Variants in CRACDL observed in about 807,000 individuals in gnomAD.
CRACDL encodes CRACD like, also known as CRACD-like protein.
In CRACDL, 26 loss-of-function variants were observed where a neutral mutation model predicts 70.6. That is an observed-to-expected ratio of 0.37 (90% CI 0.27 to 0.51). CRACDL has a LOEUF of 0.51. Ranked by LOEUF, CRACDL falls within the 20% of genes least tolerant of loss-of-function variation. The pLI, the probability that CRACDL is intolerant of heterozygous loss-of-function variation, is 0.94. For synonymous variants in CRACDL, 618 were observed against 615.2 expected (o/e 1.00, Z -0.07); for missense variants, 1,283 against 1,376.9 (o/e 0.93, Z 1.08).
At chr2:98,916,647 T>A (rs1042703539) in intron 1 of CRACDL, among the ~76,000 whole-genome samples, 4 of 152,250 alleles carry the variant, frequency 2.6e-5, no homozygotes, top group South Asian at 2.1e-4. Context: ...TCATTTTTTT[T>A]AATGTAGGAT....
intron 1 of CRACDL, among the ~76,000 whole-genome samples, chr2:98,933,152 CGCTG>C (rs1410147203): frequency 6.6e-6 from 1 of 152,172 alleles, no homozygotes; most frequent in African/African-American, 2.4e-5. Flanking sequence ...GCCAGGTCCC[CGCTG>C]TGGCTCACCC....
intron 6 of CRACDL, among the ~76,000 whole-genome samples, chr2:98,824,302 A>G (rs1575352584): frequency 2.4e-5 from 1 of 41,640 alleles, no homozygotes; most frequent in African/African-American, 9.2e-5. Context: ...CCTGCCCCCA[A>G]CCTCCAAGAT....
At chr2:98,794,697 C>T (rs754637007) in intron 9 of CRACDL, 26 bp from the exon 10 acceptor site, 13 of 1,595,986 alleles carry the variant, frequency 8.1e-6, no homozygotes, top group Admixed American at 6.8e-5. Flanking sequence ...ACAAAACCAA[C>T]AGAAACATGA....
At position 98,794,498 on chromosome 2, in the gene CRACDL, G is replaced by T. The variant is rs1324902298; in HGVS notation, c.*34C>A. 1.3e-6 allele frequency: 2 copies of T among 1,598,262 alleles called. No individual in the cohort carries two copies. The highest frequency in any genetic ancestry group is 2.2e-5 in the East Asian group (1 of 44,674). On this transcript the variant is annotated 3_prime_UTR_variant, in exon 10 of 10. Transcript: ENST00000397899. Reference sequence around the variant, plus strand: ...AGTTTTTAACTAAGTGGCTTGTCAGGGTAGTGGACATGCTTTATCAGCACA... The same window carrying T: ...AGTTTTTAACTAAGTGGCTTGTCAGTGTAGTGGACATGCTTTATCAGCACA...
chr2:98,850,646 C>A (rs1460947112), intron 1 of CRACDL, among the ~76,000 whole-genome samples: 2 of 152,182 alleles, frequency 1.3e-5, no homozygotes, highest in African/African-American at 4.8e-5. Context: ...ACTCTTTAAG[C>A]TAAATCTGGA....
In CRACDL at chr2:98,794,487, T is replaced by G. The variant is rs1272309176; in HGVS notation, c.*45A>C. 1 of 1,568,090 alleles carries G rather than the reference T, an allele frequency of 6.4e-7. No homozygotes were observed. The highest frequency in any genetic ancestry group is 1.3e-5 in the African/African-American group (1 of 74,074). On this transcript the variant is annotated 3_prime_UTR_variant, in exon 10 of 10. Transcript: ENST00000397899. ...AATACACTGGCAGTTTTTAACTAAG[T>G]GGCTTGTCAGGGTAGTGGACATGCT... is the stretch of plus-strand genomic sequence containing the variant.
At chr2:98,913,940 C>T (rs1239198931) in intron 1 of CRACDL, among the ~76,000 whole-genome samples, 6 of 152,352 alleles carry the variant, frequency 3.9e-5, no homozygotes, top group East Asian at 3.9e-4. Flanking sequence ...CCATGGTTTA[C>T]GCTTTATGCG....
At chr2:98,881,413 C>T (rs1241781661) in intron 1 of CRACDL, among the ~76,000 whole-genome samples, 2 of 152,234 alleles carry the variant, frequency 1.3e-5, no homozygotes, top group Non-Finnish European at 2.9e-5. Context: ...GAAGCACTGC[C>T]TTACAGCTCT....
At chr2:98,898,946 CA>C (rs1708197854) in intron 1 of CRACDL, among the ~76,000 whole-genome samples, 1 of 152,198 alleles carries the variant, frequency 6.6e-6, no homozygotes, top group Non-Finnish European at 1.5e-5. Flanking sequence ...GAAATCCAGA[CA>C]GGGGTCACAA....
At chr2:98,801,568 C>T (rs935320084) in intron 7 of CRACDL, among the ~76,000 whole-genome samples, 1 of 152,154 alleles carries the variant, frequency 6.6e-6, no homozygotes, top group Non-Finnish European at 1.5e-5. Flanking sequence ...TGTGAAGATT[C>T]CATGACATAA....
chr2:98,920,152 C>T (rs372600699), intron 1 of CRACDL, among the ~76,000 whole-genome samples: 3 of 152,210 alleles, frequency 2.0e-5, no homozygotes, highest in Non-Finnish European at 4.4e-5. Context: ...TGGAAACAAC[C>T]GAAATATGTA....
intron 1 of CRACDL, among the ~76,000 whole-genome samples, chr2:98,848,415 G>A (rs1469020403): frequency 1.3e-5 from 2 of 152,152 alleles, no homozygotes. Context: ...AACATACGGT[G>A]TAAGGGGAAG....
chr2:98,794,397 C>G lies in CRACDL; in HGVS notation c.*135G>C, dbSNP rs1703713261. The stretch of plus-strand genomic sequence containing the variant: ...TCTTTGTTTTGCCTGGTTCCTTCCT[C>G]TTCCCCAAGTTCGTCATAACTTGAT... On this transcript the variant is annotated 3_prime_UTR_variant, in exon 10 of 10. Transcript: ENST00000397899. 1 of 810,898 alleles carries G rather than the reference C, an allele frequency of 1.2e-6. No homozygotes were observed. Among genetic ancestry groups the G allele is most frequent in the Admixed American group, 2.3e-5 (1 of 43,722 alleles). The allele number at this position is 810,898 out of a possible 1,614,324, so 50.2% of individuals were successfully genotyped here. A position where few individuals can be genotyped will look rare whatever the true frequency, so the allele number is the denominator to read the frequency against.
intron 1 of CRACDL, among the ~76,000 whole-genome samples, chr2:98,907,931 A>G (rs1283930670): frequency 6.6e-6 from 1 of 152,244 alleles, no homozygotes; most frequent in Non-Finnish European, 1.5e-5. Context: ...TATTTCTTGA[A>G]GCAGAAAACC....
chr2:98,850,717 G>A (rs1472770144), intron 1 of CRACDL, among the ~76,000 whole-genome samples: 1 of 152,218 alleles, frequency 6.6e-6, no homozygotes. Flanking sequence ...TCCAGGCCCT[G>A]CTGCGGGGCA....
chr2:98,907,692 C>A (rs929269944), intron 1 of CRACDL, among the ~76,000 whole-genome samples: 1 of 152,212 alleles, frequency 6.6e-6, no homozygotes, highest in Non-Finnish European at 1.5e-5. Context: ...CCAGTTGGAC[C>A]AAAGACCTGC....
intron 1 of CRACDL, among the ~76,000 whole-genome samples, chr2:98,929,957 C>T (rs1207705734): frequency 6.6e-6 from 1 of 152,032 alleles, no homozygotes; most frequent in Non-Finnish European, 1.5e-5. Context: ...AAAAGGTGCT[C>T]GATACCACGA....
intron 1 of CRACDL, among the ~76,000 whole-genome samples, chr2:98,931,324 CAA>C (rs530900049): frequency 0.39 from 36,806 of 95,324 alleles, 5,606 homozygotes; most frequent in African/African-American, 0.51. Flanking sequence ...GACTCCATCT[CAA>C]AAAAAAAAAA....
In CRACDL at chr2:98,823,960, T is replaced by TA. The variant is rs960248485; in HGVS notation, c.736-424dup. ...AGAGCCAGGAACTCAGAGAGGCCAA[T>TA]ACCTTGTTCAAGCCTGGGCAAGCAG... is the stretch of plus-strand genomic sequence containing the variant. On this transcript the variant is annotated intron_variant, in intron 6 of 9. Coordinates refer to ENST00000397899, the MANE Select transcript of CRACDL (RefSeq NM_207362.3). This position sits in a 1 kb window ranked among gnomAD's most constrained non-coding sequence, Gnocchi z 4.0. Among the ~76,000 whole-genome samples the TA allele has an allele frequency of 3.2e-4, 48 of 152,282 alleles. No individual in the cohort carries two copies. Among genetic ancestry groups the TA allele is most frequent in the African/African-American group, 9.6e-4 (40 of 41,546 alleles).
Sources: gnomAD v4.1 joint callset for allele counts (sites outside exome capture counted in the v4.1 genomes callset) on GRCh38, gnomAD v4.1.1 for gene constraint, Gnocchi (gnomAD v3.1) non-coding constraint, MANE v1.5 for transcripts, NCBI Gene and HGNC (gene_info 2026-07-23, HGNC 2026-07-21) for gene names.